BCKDHB: variants seen among roughly 807,000 people sequenced by gnomAD.
The protein encoded by BCKDHB is branched chain keto acid dehydrogenase E1 subunit beta.
In BCKDHB, 41 loss-of-function variants were observed where a neutral mutation model predicts 48.5. That is an observed-to-expected ratio of 0.85 (90% CI 0.66 to 1.10). The LOEUF (loss-of-function observed/expected upper bound fraction) is 1.10. BCKDHB is among the 50% of genes least tolerant of loss of function. BCKDHB has a pLI of 0.00. For synonymous variants in BCKDHB, 201 were observed against 174.8 expected (o/e 1.15, Z -1.18); for missense variants, 496 against 494.2 (o/e 1.00, Z -0.03).
intron 1 of BCKDHB, among the ~76,000 whole-genome samples, chr6:80,117,890 CTG>C (rs1769791896): frequency 6.6e-6 from 1 of 152,042 alleles, no homozygotes; most frequent in African/African-American, 2.4e-5. Context: ...CTCTATATTT[CTG>C]TGTGTGTGTG....
intron 5 of BCKDHB, among the ~76,000 whole-genome samples, chr6:80,169,505 T>A (rs1279561392): frequency 3.3e-5 from 5 of 152,192 alleles, no homozygotes; most frequent in Non-Finnish European, 2.9e-5. Flanking sequence ...ACCTAGATTT[T>A]TTTTTTCTGT....
At chr6:80,127,383 G>T (rs1355823060) in intron 1 of BCKDHB, 164 bp from the exon 2 acceptor site, 1 of 654,642 alleles carries the variant, frequency 1.5e-6, no homozygotes, top group African/African-American at 1.8e-5. Flanking sequence ...CTCCAGGTCT[G>T]TATTGCTTTT....
the BCKDHB span, among the ~76,000 whole-genome samples, chr6:80,454,546 G>A: frequency 1.3e-5 from 2 of 152,172 alleles, no homozygotes; most frequent in African/African-American, 4.8e-5. Flanking sequence ...ATATTGTGGA[G>A]GTAATGAGCT....
At chr6:80,391,621 C>A in the BCKDHB span, among the ~76,000 whole-genome samples, 1 of 152,128 alleles carries the variant, frequency 6.6e-6, no homozygotes, top group African/African-American at 2.4e-5. Flanking sequence ...GTCCCTTTAA[C>A]TATAAGAGAA....
At chr6:80,151,421 T>G (rs1771770110) in intron 3 of BCKDHB, among the ~76,000 whole-genome samples, 1 of 125,776 alleles carries the variant, frequency 8.0e-6, no homozygotes, top group Admixed American at 7.4e-5. Context: ...AAAACTAACT[T>G]TTTTTTTTTT....
the BCKDHB span, among the ~76,000 whole-genome samples, chr6:80,358,047 A>G: frequency 2.0e-5 from 3 of 152,186 alleles, no homozygotes; most frequent in Non-Finnish European, 2.9e-5. Context: ...TAGACTAAGA[A>G]ACATTTGTTT....
At chr6:80,113,020 C>G (rs1769495749) in intron 1 of BCKDHB, among the ~76,000 whole-genome samples, 1 of 152,182 alleles carries the variant, frequency 6.6e-6, no homozygotes, top group Non-Finnish European at 1.5e-5. Flanking sequence ...TTGTCCTTAG[C>G]AAGTCAGATA....
the BCKDHB span, among the ~76,000 whole-genome samples, chr6:80,359,887 G>GC: frequency 1.3e-5 from 2 of 152,190 alleles, no homozygotes; most frequent in South Asian, 4.1e-4. Flanking sequence ...ACTGCGCCTG[G>GC]CCAACACACG....
intron 3 of BCKDHB, among the ~76,000 whole-genome samples, chr6:80,155,766 T>C (rs2127759588): frequency 6.6e-6 from 1 of 152,086 alleles, no homozygotes; most frequent in East Asian, 1.9e-4. Flanking sequence ...TATAGGAATG[T>C]ACTTATATTC....
intron 8 of BCKDHB, among the ~76,000 whole-genome samples, chr6:80,229,726 G>A (rs1292833873): frequency 6.6e-6 from 1 of 150,464 alleles, no homozygotes; most frequent in East Asian, 1.9e-4. Context: ...ATAATTGAGA[G>A]AAGAAGCTTG....
chr6:80,444,035 C>G, the BCKDHB span, among the ~76,000 whole-genome samples: 1 of 151,878 alleles, frequency 6.6e-6, no homozygotes, highest in African/African-American at 2.4e-5. Context: ...TATTTCACTA[C>G]TCTCTAGATT....
At chr6:80,261,864 A>G (rs1027153364) in intron 8 of BCKDHB, among the ~76,000 whole-genome samples, 7 of 152,010 alleles carry the variant, frequency 4.6e-5, no homozygotes, top group African/African-American at 9.7e-5. Flanking sequence ...AGTAGGCTCT[A>G]TTAGCTTTAG....
intron 9 of BCKDHB, among the ~76,000 whole-genome samples, chr6:80,291,721 T>C (rs1482041506): frequency 1.3e-5 from 2 of 152,180 alleles, no homozygotes; most frequent in Admixed American, 1.3e-4. Flanking sequence ...AGGGTTAGTC[T>C]AAATTGTAGG....
intron 9 of BCKDHB, among the ~76,000 whole-genome samples, chr6:80,329,063 C>A (rs1460508971): frequency 6.6e-6 from 1 of 151,950 alleles, no homozygotes; most frequent in Non-Finnish European, 1.5e-5. Context: ...AAATTGATAT[C>A]TTTAAGGCAC....
At chr6:80,166,873 A>T (rs1772597944) in intron 3 of BCKDHB, among the ~76,000 whole-genome samples, 1 of 152,094 alleles carries the variant, frequency 6.6e-6, no homozygotes, top group Non-Finnish European at 1.5e-5. Flanking sequence ...TGTCCTTTGT[A>T]TGTCAGTTAG....
chr6:80,313,729 T>G (rs755181419), intron 9 of BCKDHB, among the ~76,000 whole-genome samples: 1 of 152,228 alleles, frequency 6.6e-6, no homozygotes, highest in Non-Finnish European at 1.5e-5. Flanking sequence ...GTTGATGTTT[T>G]GAAGGGTTTT....
chr6:80,268,252 G>A (rs991276369), intron 8 of BCKDHB, among the ~76,000 whole-genome samples: 12 of 152,030 alleles, frequency 7.9e-5, no homozygotes, highest in African/African-American at 4.8e-5. Flanking sequence ...ATTCAGTTGC[G>A]TTGATATTTG....
chr6:80,251,266 G>A (rs1776825800), intron 8 of BCKDHB, among the ~76,000 whole-genome samples: 1 of 152,176 alleles, frequency 6.6e-6, no homozygotes. Context: ...CCGTGGGAAT[G>A]TGAAGCTTTT....
chr6:80,294,181 G>A (rs187439323), intron 9 of BCKDHB, among the ~76,000 whole-genome samples: 3 of 152,098 alleles, frequency 2.0e-5, no homozygotes, highest in Admixed American at 6.6e-5. Context: ...CTGGAGCTGC[G>A]GCAGAGGAAC....
Sources: allele counts gnomAD v4.1 joint callset (sites outside exome capture counted in the v4.1 genomes callset), GRCh38; gene constraint gnomAD v4.1.1; transcripts MANE v1.5; gene names NCBI Gene and HGNC (gene_info 2026-07-23, HGNC 2026-07-21).